Variants in GMEB1 observed in about 807,000 individuals in gnomAD.
The protein encoded by GMEB1 is glucocorticoid modulatory element-binding protein 1.
Under a neutral mutation model 52.4 loss-of-function variants are expected in GMEB1, and 6 were observed. The ratio of observed to expected loss-of-function variants is 0.11; its 90% CI spans 0.06 to 0.23. GMEB1 has a LOEUF of 0.23. Ranked by LOEUF, GMEB1 falls within the 10% of genes least tolerant of loss-of-function variation. The probability of loss-of-function intolerance (pLI) is 1.00; values close to 1 mark genes in which losing one functional copy is unlikely to be tolerated. For missense variants in GMEB1, 486 were observed against 685.6 expected (o/e 0.71, Z 3.25); for synonymous variants, 255 against 244.9 (o/e 1.04, Z -0.38).
chr1:28,674,733 T>G (rs1669066056), intron 1 of GMEB1, among the ~76,000 whole-genome samples: 1 of 137,130 alleles, frequency 7.3e-6, no homozygotes, highest in Admixed American at 7.3e-5. Context: ...TTTTTTTTTT[T>G]TTTGAGACGG....
At chr1:28,702,319 A>G (rs897274899) in intron 6 of GMEB1, 119 bp from the exon 7 acceptor site, 1 of 665,898 alleles carries the variant, frequency 1.5e-6, no homozygotes, top group Non-Finnish European at 2.4e-6. Flanking sequence ...AGGGACCTGC[A>G]GCCAAGAGGC....
chr1:28,689,584 G>C (rs551576058), intron 2 of GMEB1: 3 of 152,296 alleles, frequency 2.0e-5, no homozygotes, highest in East Asian at 3.8e-4. Context: ...AGCCGAGATC[G>C]CACCACTGCA....
At chr1:28,705,559 C>A (rs1283528159) in intron 8 of GMEB1, among the ~76,000 whole-genome samples, 1 of 150,566 alleles carries the variant, frequency 6.6e-6, no homozygotes, top group Admixed American at 6.6e-5. Flanking sequence ...AAGCGATTCT[C>A]CTGCCTTAGA....
chr1:28,671,364 A>C (rs1169082244), intron 1 of GMEB1, among the ~76,000 whole-genome samples: 1 of 152,012 alleles, frequency 6.6e-6, no homozygotes, highest in African/African-American at 2.4e-5. Context: ...CGATCCTCTC[A>C]GCTCAGCCTC....
At chr1:28,707,555 A>G (rs947295566) in intron 8 of GMEB1, among the ~76,000 whole-genome samples, 2 of 152,186 alleles carry the variant, frequency 1.3e-5, no homozygotes, top group African/African-American at 4.8e-5. Flanking sequence ...TGAAAGAGAA[A>G]GAAAGATACC....
chr1:28,690,203 G>GGTTTTTTT lies in GMEB1; in HGVS notation c.211+17_211+18insGTTTTTTT, dbSNP rs879212606. 20 of 516,154 alleles carry GGTTTTTTT rather than the reference G, an allele frequency of 3.9e-5. 2 individuals are homozygous for GGTTTTTTT. The highest frequency in any genetic ancestry group is 9.4e-5 in the South Asian group (4 of 42,656). 32.0% of individuals were successfully genotyped at this position (516,154 alleles called of 1,614,324 possible). ...AAGGGATTGGTAAGGGTTTTTTTGT[G>GGTTTTTTT]TTTTTTTTTTTTTTTTTTTTTGTCA... On this transcript the variant is annotated intron_variant, in intron 3 of 9. Transcript: ENST00000373816.
Position 28,693,053 on chromosome 1 carries a change from C to T in GMEB1, c.440+8C>T. Reference sequence around the variant, plus strand: ...GGGTGGGATCATGCTCAGGTAAGCTCTAATGTCAAGCACATACCTTTCAAC... The same window carrying T: ...GGGTGGGATCATGCTCAGGTAAGCTTTAATGTCAAGCACATACCTTTCAAC... On this transcript the variant is annotated splice_region_variant and intron_variant, in intron 5 of 9. Transcript: ENST00000373816. The T allele has an allele frequency of 6.6e-7, 1 of 1,505,236 alleles. No individual in the cohort carries two copies. Among genetic ancestry groups the T allele is most frequent in the Non-Finnish European group, 9.2e-7 (1 of 1,091,922 alleles). 93.2% of individuals were successfully genotyped at this position (1,505,236 alleles called of 1,614,324 possible). A position where few individuals can be genotyped will look rare whatever the true frequency, so the allele number is the denominator to read the frequency against.
chr1:28,716,465 A>G lies in GMEB1; in HGVS notation c.*1692A>G, dbSNP rs761072371. On this transcript the variant is annotated 3_prime_UTR_variant, in exon 10 of 10. Transcript: ENST00000373816. ...CAACTCTTAATGGCATCTGTCTCCT[A>G]GAACCCACGCTCTTCAGCTTTTTGG... The G allele has an allele frequency of 2.6e-5, 4 of 152,162 alleles. No homozygotes were observed. The highest frequency in any genetic ancestry group is 6.5e-5 in the Admixed American group (1 of 15,268). The allele number at this position is 152,162 out of a possible 1,614,324, so 9.4% of individuals were successfully genotyped here. A position where few individuals can be genotyped will look rare whatever the true frequency, so the allele number is the denominator to read the frequency against.
In GMEB1 at chr1:28,675,008, C is replaced by G. The variant is rs953365802; in HGVS notation, c.-31+6169C>G. On this transcript the variant is annotated intron_variant, in intron 1 of 9. Transcript: ENST00000373816. ...TGCTGGGATTACAGGCGTGAGCCAC[C>G]GCGCCCGGCCTTTTTTTTTTTTTTT... 2.3e-5 allele frequency among the ~76,000 whole-genome samples: 3 copies of G among 131,924 alleles called. No individual in the cohort carries two copies. The East Asian group carries it at 6.6e-4, about 29-fold the overall frequency. The allele number at this position is 131,924 out of a possible 152,430, so 86.5% of individuals were successfully genotyped here. A position where few individuals can be genotyped will look rare whatever the true frequency, so the allele number is the denominator to read the frequency against.
intron 8 of GMEB1, among the ~76,000 whole-genome samples, chr1:28,706,988 T>TG (rs1670810683): frequency 7.6e-6 from 1 of 131,440 alleles, no homozygotes; most frequent in South Asian, 2.7e-4. Flanking sequence ...TTTTTTTTTT[T>TG]TTTTTTTTTT....
chr1:28,678,351 G>A (rs1039540793), intron 1 of GMEB1, among the ~76,000 whole-genome samples: 3 of 151,856 alleles, frequency 2.0e-5, no homozygotes, highest in African/African-American at 4.8e-5. Flanking sequence ...TCGCTCTGTC[G>A]CCCAGGCTGG....
chr1:28,701,572 G>C (rs1185976488), intron 6 of GMEB1, among the ~76,000 whole-genome samples: 2 of 150,906 alleles, frequency 1.3e-5, no homozygotes, highest in Non-Finnish European at 3.0e-5. Context: ...CTGGCCAAAA[G>C]CTTTCTTGTT....
chr1:28,672,066 C>T (rs1668909533), intron 1 of GMEB1, among the ~76,000 whole-genome samples: 1 of 150,514 alleles, frequency 6.6e-6, no homozygotes, highest in Non-Finnish European at 1.5e-5. Context: ...GAGCCGAGAC[C>T]GTGCCATTGC....
chr1:28,670,820 A>G (rs1668850489), intron 1 of GMEB1, among the ~76,000 whole-genome samples: 1 of 152,138 alleles, frequency 6.6e-6, no homozygotes. Context: ...TGAGAGCCTT[A>G]TATCAAGGAT....
intron 9 of GMEB1, among the ~76,000 whole-genome samples, chr1:28,712,277 A>G (rs1387772799): frequency 1.3e-5 from 2 of 152,208 alleles, no homozygotes; most frequent in Non-Finnish European, 2.9e-5. Context: ...CGCCACTCTC[A>G]GGAACCTCCA....
At position 28,715,096 on chromosome 1, in the gene GMEB1, A is replaced by C. The variant is rs1182084706; in HGVS notation, c.*323A>C. On this transcript the variant is annotated 3_prime_UTR_variant, in exon 10 of 10. Transcript: ENST00000373816. ...CATTTCCAGGCTCGTCTGTGTGTGT[A>C]GGCATGTGGTTTTATTCTTGTAAAG... is the stretch of plus-strand genomic sequence containing the variant. 1.5e-5 allele frequency: 4 copies of C among 268,410 alleles called. No homozygotes were observed. The Admixed American group carries it at 1.9e-4, about 13-fold the overall frequency. The allele number at this position is 268,410 out of a possible 1,614,324, so 16.6% of individuals were successfully genotyped here.
In GMEB1 at chr1:28,697,055, G is replaced by A; in HGVS notation, c.569G>A (p.Ser190Asn). The A allele has an allele frequency of 1.2e-6, 2 of 1,610,938 alleles. No homozygotes were observed. Among genetic ancestry groups the A allele is most frequent in the Non-Finnish European group, 1.7e-6 (2 of 1,178,446 alleles). Residue 190 changes from serine to asparagine, a missense_variant, in exon 6 of 10, where the codon AGT becomes AAT. Coordinates refer to ENST00000373816, the MANE Select transcript of GMEB1 (RefSeq NM_001319674.2). Reference sequence around the variant, plus strand: ...GCTCCAGTGCCAGGACAGCAGACAAGTGTGGTGCAGACACCCACTTCGGCT... The same window carrying A: ...GCTCCAGTGCCAGGACAGCAGACAAATGTGGTGCAGACACCCACTTCGGCT... ...ARAPVPGQQT[S>N]VVQTPTSADG...
At chr1:28,694,726 C>T (rs572893721) in intron 5 of GMEB1, among the ~76,000 whole-genome samples, 2 of 151,404 alleles carry the variant, frequency 1.3e-5, no homozygotes, top group East Asian at 1.9e-4. Flanking sequence ...TGCAGTGGCA[C>T]GATCTCAGCT....
At chr1:28,693,942 A>G (rs1670081687) in intron 5 of GMEB1, among the ~76,000 whole-genome samples, 1 of 152,124 alleles carries the variant, frequency 6.6e-6, no homozygotes, top group African/African-American at 2.4e-5. Flanking sequence ...GCTTTAATAT[A>G]TAGTCAAAAG....
Sources: gnomAD v4.1 joint callset for allele counts (sites outside exome capture counted in the v4.1 genomes callset) on GRCh38, gnomAD v4.1.1 for gene constraint, MANE v1.5 for transcripts, NCBI Gene and HGNC (gene_info 2026-07-23, HGNC 2026-07-21) for gene names.